The following SMYD3 variants were observed in gnomAD, a reference collection of about 807,000 sequenced individuals.
SMYD3 encodes histone-lysine N-methyltransferase SMYD3.
A neutral mutation model predicts 57.7 loss-of-function variants in SMYD3; 36 were observed. That is an observed-to-expected ratio of 0.62 (90% CI 0.48 to 0.82). The LOEUF (loss-of-function observed/expected upper bound fraction) is 0.82, where lower values mean the gene tolerates loss of function less well. Among genes scored for constraint, SMYD3 ranks in the 40% least tolerant of loss-of-function variants. The pLI is 0.00. For missense variants in SMYD3, 515 were observed against 538.8 expected (o/e 0.96, Z 0.44); for synonymous variants, 211 against 195.0 (o/e 1.08, Z -0.68).
At chr1:245,766,400 T>TAAA (rs35500837) in intron 10 of SMYD3, among the ~76,000 whole-genome samples, 5 of 101,764 alleles carry the variant, frequency 4.9e-5, no homozygotes, top group Non-Finnish European at 9.9e-5. Flanking sequence ...GACTCTGTCT[T>TAAA]AAAAAAAAAA....
chr1:246,141,997 A>G (rs188108371), intron 5 of SMYD3, among the ~76,000 whole-genome samples: 1 of 152,358 alleles, frequency 6.6e-6, no homozygotes, highest in East Asian at 1.9e-4. Context: ...GAACTTGCTC[A>G]GAAGATAGCA....
intron 5 of SMYD3, among the ~76,000 whole-genome samples, chr1:246,023,173 C>T (rs575314777): frequency 6.6e-6 from 1 of 152,256 alleles, no homozygotes; most frequent in African/African-American, 2.4e-5. Flanking sequence ...AGCTAAGAGA[C>T]ACAAGTGCTG....
rs73135703 is a variant in SMYD3, at chr1:246,058,333, G to A, written c.532-128396C>T. ...TGTGTGTTTTGTGTTGGAGGTGGGGGAGGAGGGCAGGAGGGATATGAGAAA... is the reference window on the plus strand; with the variant it reads ...TGTGTGTTTTGTGTTGGAGGTGGGGAAGGAGGGCAGGAGGGATATGAGAAA... On this transcript the variant is annotated intron_variant, in intron 5 of 11. Coordinates refer to ENST00000490107, the MANE Select transcript of SMYD3 (RefSeq NM_001167740.2). Among the ~76,000 whole-genome samples, 1,456 of 152,238 alleles carry A rather than the reference G, an allele frequency of 9.6e-3. 20 individuals carry two copies. Among genetic ancestry groups the A allele is most frequent in the African/African-American group, 0.033 (1,363 of 41,532 alleles).
intron 5 of SMYD3, among the ~76,000 whole-genome samples, chr1:246,238,027 C>A (rs927532206): frequency 2.0e-5 from 3 of 151,868 alleles, no homozygotes; most frequent in African/African-American, 7.3e-5. Context: ...TAAAGAGTAT[C>A]TTCTGTTTTT....
At position 246,078,836 on chromosome 1, in the gene SMYD3, T is replaced by C. The variant is rs2060589508; in HGVS notation, c.532-148899A>G. Among the ~76,000 whole-genome samples the C allele has an allele frequency of 3.9e-5, 6 of 152,322 alleles. No homozygotes were observed. In the South Asian group the frequency reaches 8.3e-4, roughly 21 times the overall value. On this transcript the variant is annotated intron_variant, in intron 5 of 11. Coordinates refer to ENST00000490107, the MANE Select transcript of SMYD3 (RefSeq NM_001167740.2). ...AGAGGGAAAAGTCAACGATGATCTA[T>C]AGGTTTCCTCTAAACAGTCATTAAA...
intron 10 of SMYD3, among the ~76,000 whole-genome samples, chr1:245,766,131 G>A (rs1035045575): frequency 2.7e-4 from 41 of 152,050 alleles, no homozygotes; most frequent in Admixed American, 3.3e-4. Context: ...GGGGCTGGGC[G>A]CGGCGGCTCA....
chr1:246,180,601 C>T (rs2062528596), intron 5 of SMYD3, among the ~76,000 whole-genome samples: 1 of 149,824 alleles, frequency 6.7e-6, no homozygotes, highest in Admixed American at 6.7e-5. Flanking sequence ...ACTAAAAATA[C>T]AAAAAAAGTT....
Position 246,303,480 on chromosome 1 carries a change from C to G in SMYD3, c.531+23721G>C, listed in dbSNP as rs560171416. On this transcript the variant is annotated intron_variant, in intron 5 of 11. Transcript: ENST00000490107. Reference sequence around the variant, plus strand: ...ACCTATCCTCCTGTATACTTTAAATCTATACACTTATAATACCTAATATAA... The same window carrying G: ...ACCTATCCTCCTGTATACTTTAAATGTATACACTTATAATACCTAATATAA... 2.8e-4 allele frequency among the ~76,000 whole-genome samples: 43 copies of G among 152,238 alleles called. 1 individual carries two copies. In the South Asian group the frequency reaches 4.8e-3, roughly 17 times the overall value.
At chr1:246,248,766 C>T (rs1347423170) in intron 5 of SMYD3, among the ~76,000 whole-genome samples, 5 of 149,194 alleles carry the variant, frequency 3.4e-5, no homozygotes, top group Non-Finnish European at 5.9e-5. Flanking sequence ...CTCAGCCTCC[C>T]GAGTAGCTGG....
rs1023379466 is a variant in SMYD3, at chr1:246,355,502, G to A, written c.165-408C>T. On this transcript the variant is annotated intron_variant, in intron 1 of 11. Transcript: ENST00000490107. The surrounding 1 kb of genome is among the most constrained non-coding windows in gnomAD (Gnocchi z 5.0). ...AGGCTCCCTGAGACTCTGAAAAGAT[G>A]TGAGCTGCCTGCTTGCTCAGCAGGG... 7.9e-5 allele frequency among the ~76,000 whole-genome samples: 12 copies of A among 152,164 alleles called. No individual in the cohort carries two copies. The highest frequency in any genetic ancestry group is 1.2e-4 in the Non-Finnish European group (8 of 68,030).
intron 8 of SMYD3, among the ~76,000 whole-genome samples, chr1:245,912,845 A>G (rs935473546): frequency 2.0e-5 from 3 of 152,238 alleles, no homozygotes; most frequent in African/African-American, 7.2e-5. Context: ...CACCACACAG[A>G]AAAATCAACC....
intron 10 of SMYD3, among the ~76,000 whole-genome samples, chr1:245,784,756 C>T (rs2046966220): frequency 1.3e-5 from 2 of 151,880 alleles, no homozygotes; most frequent in Admixed American, 6.6e-5. Context: ...CCTTGGAAGT[C>T]GCATTGATTC....
chr1:246,220,935 C>T (rs553569458), intron 5 of SMYD3, among the ~76,000 whole-genome samples: 5 of 152,056 alleles, frequency 3.3e-5, no homozygotes, highest in Non-Finnish European at 5.9e-5. Context: ...GATGGTACTA[C>T]CAGCTGCAGA....
At chr1:246,039,016 C>T (rs2059824491) in intron 5 of SMYD3, among the ~76,000 whole-genome samples, 1 of 152,200 alleles carries the variant, frequency 6.6e-6, no homozygotes, top group African/African-American at 2.4e-5. Context: ...CCGTTCAAGT[C>T]TCTACCAGAG....
At chr1:246,449,252 A>G (rs2067596812) in intron 1 of SMYD3, among the ~76,000 whole-genome samples, 1 of 152,102 alleles carries the variant, frequency 6.6e-6, no homozygotes, top group Non-Finnish European at 1.5e-5. Context: ...TAAAATAAAC[A>G]AAAGTTTTCC....
chr1:246,158,699 T>G (rs1055168684), intron 5 of SMYD3, among the ~76,000 whole-genome samples: 3 of 152,078 alleles, frequency 2.0e-5, no homozygotes, highest in African/African-American at 7.2e-5. Flanking sequence ...CCAGAATATA[T>G]AAATATAAAG....
intron 5 of SMYD3, among the ~76,000 whole-genome samples, chr1:246,101,651 T>C (rs1461038586): frequency 6.6e-6 from 1 of 152,262 alleles, no homozygotes; most frequent in Non-Finnish European, 1.5e-5. Context: ...ATTATGTTCA[T>C]ATGCGGTTAG....
At chr1:246,357,231 A>C (rs2065922132) in intron 1 of SMYD3, among the ~76,000 whole-genome samples, 1 of 152,172 alleles carries the variant, frequency 6.6e-6, no homozygotes, top group African/African-American at 2.4e-5. Flanking sequence ...TCGGCACACA[A>C]TACAGGTCAT....
chr1:246,248,631 C>CTTGGTTT, intron 5 of SMYD3, among the ~76,000 whole-genome samples: 1 of 119,274 alleles, frequency 8.4e-6, no homozygotes, highest in South Asian at 3.0e-4. Context: ...AGCTCTCTGA[C>CTTGGTTT]TTTCCTTTTT....
Sources: gnomAD v4.1 joint callset for allele counts (sites outside exome capture counted in the v4.1 genomes callset) on GRCh38, gnomAD v4.1.1 for gene constraint, Gnocchi (gnomAD v3.1) non-coding constraint, MANE v1.5 for transcripts, NCBI Gene and HGNC (gene_info 2026-07-23, HGNC 2026-07-21) for gene names.